CEBPZ: variants seen among roughly 807,000 people sequenced by gnomAD.
The protein encoded by CEBPZ is CCAAT/enhancer-binding protein zeta.
A neutral mutation model predicts 104.5 loss-of-function variants in CEBPZ; 78 were observed. The observed-to-expected ratio is 0.75, with a 90% CI of 0.62 to 0.90. CEBPZ has a LOEUF of 0.90. CEBPZ is among the 40% of genes least tolerant of loss of function. The probability of loss-of-function intolerance (pLI) is 0.00; values close to 1 mark genes in which losing one functional copy is unlikely to be tolerated. For missense variants in CEBPZ, 1,439 were observed against 1,233.5 expected (o/e 1.17, Z -2.50); for synonymous variants, 470 against 427.0 (o/e 1.10, Z -1.24).
At chr2:37,212,065 C>A (rs375599099) in intron 11 of CEBPZ, 26 bp from the exon 12 acceptor site, 2 of 1,548,918 alleles carry the variant, frequency 1.3e-6, no homozygotes, top group South Asian at 2.5e-5. Context: ...ACTTGTAATA[C>A]AAGAGGAGGC....
intron 12 of CEBPZ, 47 bp downstream of exon 12, chr2:37,211,796 G>T: frequency 7.2e-7 from 1 of 1,388,858 alleles, no homozygotes. Context: ...TTAAGGCTAA[G>T]GAAGTGAGGA....
intron 1 of CEBPZ, among the ~76,000 whole-genome samples, chr2:37,230,453 C>G (rs1665033196): frequency 6.6e-6 from 1 of 152,158 alleles, no homozygotes; most frequent in African/African-American, 2.4e-5. Context: ...GTTTGCACCA[C>G]GTGTTTCATG....
intron 4 of CEBPZ, among the ~76,000 whole-genome samples, chr2:37,221,752 G>C (rs905531910): frequency 2.6e-5 from 4 of 152,182 alleles, no homozygotes; most frequent in Non-Finnish European, 5.9e-5. Flanking sequence ...ATTTGTAGAT[G>C]AATTAATTTG....
rs746885067 is a variant in CEBPZ, at chr2:37,220,438, T to C, written c.2101A>G (p.Arg701Gly). The change falls in exon 5 of 16, where the codon AGA (arginine) becomes GGA (glycine). Residue 701 changes from arginine to glycine, a missense_variant. Arg to Gly is a moderately radical substitution (Grantham distance 125, BLOSUM62 -2). Coordinates refer to ENST00000234170, the MANE Select transcript of CEBPZ (RefSeq NM_005760.3). Reference sequence around the variant, plus strand: ...TCAGCTCCACAGAACAGAGGGTTTCTACTGAATGGATCGTATTTATTTAAC... The same window carrying C: ...TCAGCTCCACAGAACAGAGGGTTTCCACTGAATGGATCGTATTTATTTAAC... ...KQLNKYDPFS[R>G]NPLFCGAENT... The C allele has an allele frequency of 6.2e-6, 10 of 1,601,678 alleles. No individual in the cohort carries two copies. Among genetic ancestry groups the C allele is most frequent in the Non-Finnish European group, 7.7e-6 (9 of 1,172,292 alleles).
rs62001874 is a variant in CEBPZ at position 37,222,434 on chromosome 2, C to T, written c.2011G>A (p.Val671Ile). ...GCAACCTCTGGTTTTTTGGTTTCTACATCAGTTTCAGGAACTGTTTCCTCT... is the reference window on the plus strand; with the variant it reads ...GCAACCTCTGGTTTTTTGGTTTCTATATCAGTTTCAGGAACTGTTTCCTCT... ...ETEETVPETD[V>I]ETKKPEVASW... Residue 671 changes from valine to isoleucine, a missense_variant, in exon 4 of 16, where the codon GTA becomes ATA. By Grantham distance (29) the Val-to-Ile change is conservative (BLOSUM62 3). Transcript: ENST00000234170. 2.1e-3 allele frequency: 3,405 copies of T among 1,605,040 alleles called. 4 individuals are homozygous for T. Among genetic ancestry groups the T allele is most frequent in the Admixed American group, 3.4e-3 (197 of 58,126 alleles).
At chr2:37,212,118 G>A in intron 11 of CEBPZ, 79 bp from the exon 12 acceptor site, 1 of 1,253,314 alleles carries the variant, frequency 8.0e-7, no homozygotes, top group Non-Finnish European at 1.1e-6. Flanking sequence ...TAGGGCAGTA[G>A]GCTATTAAAT....
chr2:37,213,974 T>C lies in CEBPZ; in HGVS notation c.2448-13A>G, dbSNP rs377191793. On this transcript the variant is annotated splice_polypyrimidine_tract_variant and intron_variant, in intron 9 of 15. Transcript: ENST00000234170. ...TTTTTTATAATACCTATAATATTCATGTTATATATTTGACAATTTTATTAA... is the reference window on the plus strand; with the variant it reads ...TTTTTTATAATACCTATAATATTCACGTTATATATTTGACAATTTTATTAA... 9.4e-6 allele frequency: 13 copies of C among 1,390,052 alleles called. No individual in the cohort carries two copies. In the African/African-American group the frequency reaches 1.5e-4, roughly 16 times the overall value. 86.1% of individuals were successfully genotyped at this position (1,390,052 alleles called of 1,614,324 possible).
intron 12 of CEBPZ, chr2:37,211,364 G>A: frequency 3.7e-6 from 1 of 271,402 alleles, no homozygotes; most frequent in East Asian, 6.8e-5. Flanking sequence ...CTTCTGCTGT[G>A]GTTCAGAATA....
intron 6 of CEBPZ, 118 bp from the exon 7 acceptor site, chr2:37,216,536 T>C (rs1677870782): frequency 2.8e-6 from 2 of 706,616 alleles, no homozygotes. Context: ...AAATATGCAA[T>C]AAATGACTCT....
chr2:37,217,922 A>C (rs761790283), intron 5 of CEBPZ, among the ~76,000 whole-genome samples: 291 of 150,592 alleles, frequency 1.9e-3, no homozygotes, highest in Middle Eastern at 3.5e-3. Context: ...AACAAAAAAC[A>C]AAAACAAAAA....
intron 1 of CEBPZ, among the ~76,000 whole-genome samples, chr2:37,230,656 C>T (rs1318560575): frequency 6.6e-6 from 1 of 152,170 alleles, no homozygotes; most frequent in Non-Finnish European, 1.5e-5. Flanking sequence ...GAGCAAAAGC[C>T]TGCCCTCTGA....
rs1156880649 is a variant in CEBPZ, at chr2:37,216,405, T to C, written c.2222A>G (p.Gln741Arg). Residue 741 changes from glutamine (Q) to arginine (R), a missense_variant, in exon 7 of 16, where the codon CAG becomes CGG. Gln to Arg is a conservative substitution (Grantham distance 43). Transcript: ENST00000234170. ...ATCCTGCAGTGGGTCCCCTGAATAC[T>C]GAATATAGTTTCCCTGAAAAGTGGA... is the stretch of plus-strand genomic sequence containing the variant. ...AKTILQGNYI[Q>R]YSGDPLQDFT... 2.5e-6 allele frequency: 4 copies of C among 1,610,512 alleles called. No homozygotes were observed. The highest frequency in any genetic ancestry group is 3.4e-6 in the Non-Finnish European group (4 of 1,178,212).
At chr2:37,214,817 G>C in intron 9 of CEBPZ, 69 bp downstream of exon 9, 2 of 924,946 alleles carry the variant, frequency 2.2e-6, no homozygotes, top group Non-Finnish European at 3.5e-6. Context: ...ATAAAATGAA[G>C]CATTTTATGA....
chr2:37,211,092 G>GA lies in CEBPZ; in HGVS notation c.2801-11dup. 1.3e-6 allele frequency: 2 copies of GA among 1,588,476 alleles called. No homozygotes were observed. The highest frequency in any genetic ancestry group is 1.7e-6 in the Non-Finnish European group (2 of 1,167,308). On this transcript the variant is annotated splice_polypyrimidine_tract_variant and intron_variant, in intron 12 of 15. Transcript: ENST00000234170. ...GAGTGGACTTCAAGTTCTGTTACAC[G>GA]AAAAAATTTGCTAATAAGCAATTTA...
intron 10 of CEBPZ, among the ~76,000 whole-genome samples, chr2:37,212,851 AC>A (rs1269783135): frequency 4.1e-5 from 6 of 146,360 alleles, no homozygotes; most frequent in Admixed American, 2.8e-4. Flanking sequence ...AAAAAAAAAA[AC>A]AAAAACAACA....
chr2:37,210,862 T>C, intron 13 of CEBPZ, 137 bp downstream of exon 13: 1 of 496,614 alleles, frequency 2.0e-6, no homozygotes, highest in African/African-American at 2.0e-5. Flanking sequence ...TAATTTCCAC[T>C]TAACATCTTT....
At chr2:37,220,534 T>A in intron 4 of CEBPZ, 61 bp from the exon 5 acceptor site, 1 of 802,106 alleles carries the variant, frequency 1.2e-6, no homozygotes, top group Non-Finnish European at 2.0e-6. Flanking sequence ...AAGAGGTCAT[T>A]AAAAGCACCA....
intron 4 of CEBPZ, among the ~76,000 whole-genome samples, chr2:37,220,947 AG>A (rs1664756350): frequency 6.6e-6 from 1 of 150,770 alleles, no homozygotes; most frequent in African/African-American, 2.4e-5. Context: ...CAGTGAACCA[AG>A]ATCGTGCCAT....
intron 5 of CEBPZ, among the ~76,000 whole-genome samples, chr2:37,219,640 G>A (rs972701914): frequency 2.0e-5 from 3 of 152,118 alleles, no homozygotes; most frequent in South Asian, 2.1e-4. Context: ...TGGTCTGGCC[G>A]CACTTTGAGA....
Sources: gnomAD v4.1 joint callset for allele counts (sites outside exome capture counted in the v4.1 genomes callset) on GRCh38, gnomAD v4.1.1 for gene constraint, MANE v1.5 for transcripts, NCBI Gene and HGNC (gene_info 2026-07-23, HGNC 2026-07-21) for gene names.